STXBP5L: variants seen among roughly 807,000 people sequenced by gnomAD.
The protein encoded by STXBP5L is syntaxin-binding protein 5-like.
In STXBP5L, 65 loss-of-function variants were observed where a neutral mutation model predicts 144.5. The ratio of observed to expected loss-of-function variants is 0.45; its 90% CI spans 0.37 to 0.55. The LOEUF (loss-of-function observed/expected upper bound fraction) is 0.55, where lower values mean the gene tolerates loss of function less well. Ranked by LOEUF, STXBP5L falls within the 20% of genes least tolerant of loss-of-function variation. STXBP5L has a pLI of 0.00. For missense variants in STXBP5L, 1,298 were observed against 1,405.5 expected (o/e 0.92, Z 1.22); for synonymous variants, 505 against 469.6 (o/e 1.08, Z -0.97).
chr3:121,028,043 A>G (rs1323596251), intron 3 of STXBP5L, among the ~76,000 whole-genome samples: 3 of 152,154 alleles, frequency 2.0e-5, no homozygotes, highest in Non-Finnish European at 2.9e-5. Context: ...ATAAAAATTC[A>G]GTCAGTTAAA....
intron 2 of STXBP5L, among the ~76,000 whole-genome samples, chr3:120,946,018 A>C (rs1255242705): frequency 6.6e-6 from 1 of 151,836 alleles, no homozygotes; most frequent in African/African-American, 2.4e-5. Context: ...GCACACTAGA[A>C]GTCTTTAGAA....
intron 15 of STXBP5L, 127 bp downstream of exon 15, chr3:121,250,890 C>A (rs962679467): frequency 1.1e-5 from 8 of 707,394 alleles, no homozygotes; most frequent in Non-Finnish European, 1.9e-5. Context: ...GGCTGTGTTA[C>A]AAAAATCTAT....
chr3:121,375,013 G>C (rs1208462578), intron 20 of STXBP5L, among the ~76,000 whole-genome samples: 1 of 107,020 alleles, frequency 9.3e-6, no homozygotes, highest in East Asian at 3.1e-4. Flanking sequence ...GACTCAGAAG[G>C]GTGGGAGGGT....
chr3:121,153,186 A>G (rs1291723312), intron 8 of STXBP5L, among the ~76,000 whole-genome samples: 1 of 152,116 alleles, frequency 6.6e-6, no homozygotes, highest in Non-Finnish European at 1.5e-5. Context: ...ACAAACTCCT[A>G]TTCATCAAGG....
At chr3:121,119,909 G>C (rs2044385085) in intron 6 of STXBP5L, among the ~76,000 whole-genome samples, 1 of 151,222 alleles carries the variant, frequency 6.6e-6, no homozygotes, top group African/African-American at 2.4e-5. Context: ...ATTTTCAGAA[G>C]TAGAATATTC....
chr3:121,186,869 A>G (rs940849148), intron 9 of STXBP5L, among the ~76,000 whole-genome samples: 3 of 152,194 alleles, frequency 2.0e-5, no homozygotes, highest in Non-Finnish European at 2.9e-5. Context: ...ATGAGATACC[A>G]TCTCACACCA....
At chr3:121,042,658 A>C (rs1947242638) in intron 4 of STXBP5L, among the ~76,000 whole-genome samples, 1 of 152,174 alleles carries the variant, frequency 6.6e-6, no homozygotes, top group African/African-American at 2.4e-5. Flanking sequence ...TACAATTATA[A>C]GTGTGGGTAA....
chr3:120,958,821 A>G (rs1265573154), intron 3 of STXBP5L, among the ~76,000 whole-genome samples: 1 of 152,222 alleles, frequency 6.6e-6, no homozygotes, highest in Non-Finnish European at 1.5e-5. Context: ...AAAAACTGGA[A>G]GCATTCCCTT....
In STXBP5L at chr3:121,266,367, A is replaced by G. The variant is rs1225020699; in HGVS notation, c.1958+7199A>G. Among the ~76,000 whole-genome samples, 5 of 152,236 alleles carry G rather than the reference A, an allele frequency of 3.3e-5. No homozygotes were observed. The East Asian group carries it at 5.8e-4, about 18-fold the overall frequency. ...GTAATCCATCACATAAACAGAACCA[A>G]TGACAACCACTTGATTATCTCAATA... On this transcript the variant is annotated intron_variant, in intron 18 of 26. Coordinates refer to ENST00000471454, the MANE Select transcript of STXBP5L (RefSeq NM_001308330.2).
intron 20 of STXBP5L, among the ~76,000 whole-genome samples, chr3:121,363,774 T>C (rs1217176856): frequency 1.3e-5 from 2 of 151,862 alleles, no homozygotes; most frequent in South Asian, 2.1e-4. Flanking sequence ...GTGTAGATAT[T>C]TGTTAGCTTG....
chr3:120,974,155 C>A (rs1236867171), intron 3 of STXBP5L, among the ~76,000 whole-genome samples: 5 of 152,230 alleles, frequency 3.3e-5, no homozygotes, highest in Middle Eastern at 3.4e-3. Flanking sequence ...TACAGTCCCA[C>A]CAACAGTGTA....
chr3:120,975,225 G>A (rs1940816508), intron 3 of STXBP5L, among the ~76,000 whole-genome samples: 1 of 152,180 alleles, frequency 6.6e-6, no homozygotes, highest in Non-Finnish European at 1.5e-5. Flanking sequence ...TCCTTGAGCA[G>A]TGGTTTGTAG....
At chr3:121,165,834 G>A (rs1029952534) in intron 9 of STXBP5L, among the ~76,000 whole-genome samples, 2 of 152,104 alleles carry the variant, frequency 1.3e-5, no homozygotes, top group Admixed American at 6.5e-5. Flanking sequence ...AGGCCGGTTG[G>A]AGATTCTCCG....
intron 18 of STXBP5L, among the ~76,000 whole-genome samples, chr3:121,263,535 G>T (rs1328645413): frequency 2.0e-5 from 3 of 152,138 alleles, no homozygotes; most frequent in African/African-American, 4.8e-5. Flanking sequence ...AGCTAAAGGA[G>T]CATGTTCTAA....
In STXBP5L at chr3:121,152,500, T is replaced by C; in HGVS notation, c.693T>C (p.Gly231=). 1 of 1,608,644 alleles carries C rather than the reference T, an allele frequency of 6.2e-7. No individual in the cohort carries two copies. Among genetic ancestry groups the C allele is most frequent in the Non-Finnish European group, 8.5e-7 (1 of 1,177,574 alleles). The change falls in exon 8 of 27, where the codon GGT becomes GGC. Residue 231 remains glycine, a synonymous_variant. Transcript: ENST00000471454. ...EGKLLIGYEN[G]TVVFWDLKSK... ...AGCTGCTAATAGGTTATGAAAATGG[T>C]ACTGTAGTATTCTGGGACTTGAAAT...
intron 21 of STXBP5L, among the ~76,000 whole-genome samples, chr3:121,380,799 G>A (rs2046305726): frequency 6.6e-6 from 1 of 152,108 alleles, no homozygotes; most frequent in Admixed American, 6.6e-5. Context: ...AATTACCCCA[G>A]ATATAGAATA....
intron 5 of STXBP5L, among the ~76,000 whole-genome samples, chr3:121,092,003 GT>G (rs2042829572): frequency 6.6e-6 from 1 of 152,074 alleles, no homozygotes; most frequent in African/African-American, 2.4e-5. Flanking sequence ...TGGCTAGCCT[GT>G]TTTCCCAGCA....
intron 19 of STXBP5L, among the ~76,000 whole-genome samples, chr3:121,287,592 AGGCTGAGGTGGGT>A (rs2051275326): frequency 1.3e-5 from 2 of 152,038 alleles, no homozygotes; most frequent in South Asian, 4.2e-4. Flanking sequence ...GCACTTTGGG[AGGCTGAGGTGGGT>A]GGATCACGAG....
chr3:121,099,360 G>T (rs932033030), intron 5 of STXBP5L: 9 of 152,172 alleles, frequency 5.9e-5, no homozygotes, highest in African/African-American at 2.2e-4. Context: ...TAAGATTTCA[G>T]CTCTTTATAC....
Sources: gnomAD v4.1 joint callset for allele counts (sites outside exome capture counted in the v4.1 genomes callset) on GRCh38, gnomAD v4.1.1 for gene constraint, MANE v1.5 for transcripts, NCBI Gene and HGNC (gene_info 2026-07-23, HGNC 2026-07-21) for gene names.